The following OR4Q3 variants were observed in gnomAD, a reference collection of about 807,000 sequenced individuals.
OR4Q3 encodes olfactory receptor 4Q3.
In OR4Q3, 17 loss-of-function variants were observed where a neutral mutation model predicts 18.8. That is an observed-to-expected ratio of 0.91 (90% CI 0.62 to 1.36). The LOEUF is 1.36. OR4Q3 is among the 40% of genes most tolerant of loss of function. OR4Q3 has a pLI of 0.00. For synonymous variants in OR4Q3, 158 were observed against 145.8 expected, an observed-to-expected ratio of 1.08 and a Z score of -0.60; for missense variants, 378 against 373.4, an observed-to-expected ratio of 1.01 and a Z score of -0.10.
intron 1 of OR4Q3, among the ~76,000 whole-genome samples, 158 bp from the exon 2 acceptor site, chr14:19,747,248 T>C: frequency 6.6e-6 from 1 of 152,198 alleles, no homozygotes; most frequent in African/African-American, 2.4e-5. Flanking sequence ...TGAACAAAAT[T>C]CCTCATTCTA....
chr14:19,751,413 CCCTT>C, downstream of OR4Q3, among the ~76,000 whole-genome samples: 6 of 152,116 alleles, frequency 3.9e-5, no homozygotes, highest in Non-Finnish European at 7.4e-5. Context: ...TAGGGAGGAG[CCCTT>C]CCTTTTTTAT....
intron 1 of OR4Q3, among the ~76,000 whole-genome samples, chr14:19,746,341 T>C: frequency 1.3e-5 from 2 of 152,210 alleles, no homozygotes; most frequent in Non-Finnish European, 2.9e-5. Context: ...CAAGGTACTG[T>C]CATCAAATGT....
At chr14:19,750,810 G>T, downstream of OR4Q3, among the ~76,000 whole-genome samples, 1 of 152,232 alleles carries the variant, frequency 6.6e-6, no homozygotes, top group African/African-American at 2.4e-5. Flanking sequence ...GGGTGAGAAT[G>T]ACATACCTGG....
chr14:19,747,066 T>C, intron 1 of OR4Q3, among the ~76,000 whole-genome samples: 13 of 152,244 alleles, frequency 8.5e-5, no homozygotes, highest in African/African-American at 3.1e-4. Context: ...GAGCTAGGCA[T>C]TCAATCTAGA....
At chr14:19,748,644 C>T in exon 2 of OR4Q3, 538 of 437,498 alleles carry the variant, frequency 1.2e-3, no homozygotes, top group Middle Eastern at 3.5e-3. Context: ...ATCAACTTTT[C>T]TATCTTTATG....
Position 19,747,964 on chromosome 14 carries a change from CTGTGA to C in OR4Q3, c.565_569del (p.Asp189ProfsTer88). On this transcript the variant is annotated frameshift_variant, in exon 2 of 2. Coordinates refer to ENST00000642117, the Ensembl canonical transcript of OR4Q3. LOFTEE classifies it high-confidence loss of function. ...GGCCCAATGAACTGGACAACTTCTA[CTGTGA>C]TGTCCCACAAGTCATCAAGCTGGCC... 1 of 1,614,078 alleles carries C rather than the reference CTGTGA, an allele frequency of 6.2e-7. No homozygotes were observed. The highest frequency in any genetic ancestry group is 8.5e-7 in the Non-Finnish European group (1 of 1,179,986).
At chr14:19,746,418 T>C in intron 1 of OR4Q3, among the ~76,000 whole-genome samples, 1 of 152,174 alleles carries the variant, frequency 6.6e-6, no homozygotes. Context: ...ATCTTCTTTA[T>C]TTTCTTATGT....
downstream of OR4Q3, among the ~76,000 whole-genome samples, chr14:19,752,071 A>G: frequency 1.3e-5 from 2 of 152,230 alleles, no homozygotes; most frequent in Admixed American, 1.3e-4. Context: ...TGAAAATCCT[A>G]GACCAAAATC....
Position 19,748,020 on chromosome 14 carries a change from T to G in OR4Q3, c.617T>G (p.Val206Gly). The G allele has an allele frequency of 2.5e-6, 4 of 1,613,942 alleles. No individual in the cohort carries two copies. In the African/African-American group the frequency reaches 5.3e-5, roughly 22 times the overall value. The change falls in exon 2 of 2, where the codon GTG becomes GGG. Residue 206 changes from valine (V) to glycine (G), a missense_variant. Transcript: ENST00000642117. ...TGCATGGACACCTATGTGGTAGAGGTGCTGGTGATAGCCAACAGTGGTCTG... is the reference window on the plus strand; with the variant it reads ...TGCATGGACACCTATGTGGTAGAGGGGCTGGTGATAGCCAACAGTGGTCTG...
At chr14:19,749,640 C>CAAAAAA, downstream of OR4Q3, among the ~76,000 whole-genome samples, 57 of 107,488 alleles carry the variant, frequency 5.3e-4, no homozygotes, top group East Asian at 1.6e-3. Context: ...AAAAAGAAAG[C>CAAAAAA]AAGCTAATAA....
At chr14:19,745,150 A>G in intron 1 of OR4Q3, among the ~76,000 whole-genome samples, 2 of 152,214 alleles carry the variant, frequency 1.3e-5, no homozygotes, top group Non-Finnish European at 2.9e-5. Context: ...AAAGATTTTT[A>G]TATCATTATT....
At chr14:19,751,508 T>C, downstream of OR4Q3, among the ~76,000 whole-genome samples, 1 of 151,902 alleles carries the variant, frequency 6.6e-6, no homozygotes, top group Non-Finnish European at 1.5e-5. Context: ...ATCCCTCTGG[T>C]CCTGGGCTTT....
chr14:19,749,804 T>TTC, downstream of OR4Q3, among the ~76,000 whole-genome samples: 1 of 141,320 alleles, frequency 7.1e-6, no homozygotes, highest in Non-Finnish European at 1.5e-5. Context: ...TTCTCTCTCT[T>TTC]TCTCTCTATT....
At chr14:19,750,822 A>G, downstream of OR4Q3, among the ~76,000 whole-genome samples, 1 of 152,348 alleles carries the variant, frequency 6.6e-6, no homozygotes, top group Admixed American at 6.5e-5. Flanking sequence ...CATACCTGGA[A>G]CATCATGTTC....
chr14:19,746,685 T>C, intron 1 of OR4Q3, among the ~76,000 whole-genome samples: 1 of 152,230 alleles, frequency 6.6e-6, no homozygotes, highest in Non-Finnish European at 1.5e-5. Flanking sequence ...TGACCTGGGA[T>C]AGTAAAGACA....
exon 2 of OR4Q3, chr14:19,748,685 T>C: frequency 6.8e-6 from 2 of 295,244 alleles, no homozygotes; most frequent in Non-Finnish European, 1.3e-5. Flanking sequence ...ATTCAATTTT[T>C]TCCACTTTTT....
At chr14:19,748,453 T>C in exon 2 of OR4Q3, 14 of 980,408 alleles carry the variant, frequency 1.4e-5, no homozygotes, top group Admixed American at 5.3e-5. Flanking sequence ...AAAAACCACT[T>C]TGATGACGTT....
intron 1 of OR4Q3, among the ~76,000 whole-genome samples, chr14:19,746,706 G>A: frequency 6.6e-5 from 10 of 152,160 alleles, no homozygotes; most frequent in African/African-American, 2.4e-4. Flanking sequence ...AAAAATATGA[G>A]CTCTGTTTCA....
chr14:19,749,604 C>CAAAAAAAAAAAAAAAAAAAAAAAAAAAAA, downstream of OR4Q3: 27 of 34,574 alleles, frequency 7.8e-4, 7 homozygotes, highest in African/African-American at 1.4e-3. Context: ...GGTCTCAAAG[C>CAAAAAAAAAAAAAAAAAAAAAAAAAAAAA]AAAAAAAAAA....
Sources: gnomAD v4.1 joint callset for allele counts (sites outside exome capture counted in the v4.1 genomes callset) on GRCh38, gnomAD v4.1.1 for gene constraint, MANE v1.5 for transcripts, NCBI Gene and HGNC (gene_info 2026-07-23, HGNC 2026-07-21) for gene names.